The following PRRC2C variants were observed in gnomAD, a reference collection of about 807,000 sequenced individuals.
PRRC2C encodes protein PRRC2C.
In PRRC2C, 72 loss-of-function variants were observed where a neutral mutation model predicts 317.2. That is an observed-to-expected ratio of 0.23 (90% CI 0.19 to 0.28). The LOEUF is 0.28. Among genes scored for constraint, PRRC2C ranks in the 10% least tolerant of loss-of-function variants. The pLI is 1.00. For synonymous variants in PRRC2C, 1,296 were observed against 1,205.9 expected (o/e 1.07, Z -1.55); for missense variants, 3,074 against 3,459.7 (o/e 0.89, Z 2.80).
rs556833609 is a variant in PRRC2C at position 171,511,727 on chromosome 1, A to G, written c.-57-305A>G. 101 of 157,152 alleles carry G rather than the reference A, an allele frequency of 6.4e-4. 2 individuals are homozygous for G. The South Asian group carries it at 0.019, about 30-fold the overall frequency. 9.7% of individuals were successfully genotyped at this position (157,152 alleles called of 1,614,324 possible). ...TTTCAAGCATATTAAATTGGATAAT[A>G]TATCTTTTTAAAATAGACAGTCTCA... On this transcript the variant is annotated intron_variant, in intron 1 of 34. Transcript: ENST00000647382.
intron 6 of PRRC2C, among the ~76,000 whole-genome samples, chr1:171,519,947 CAG>C (rs1385673506): frequency 1.3e-5 from 2 of 152,258 alleles, no homozygotes; most frequent in African/African-American, 2.4e-5. Context: ...TCTAGACTAA[CAG>C]AGGGAGATGA....
Position 171,487,950 on chromosome 1 carries a change from T to C in PRRC2C, c.-58+2215T>C, listed in dbSNP as rs545251362. On this transcript the variant is annotated intron_variant, in intron 1 of 34. Coordinates refer to ENST00000647382, the MANE Select transcript of PRRC2C (RefSeq NM_001387844.1). ...TTGCTTCTTAGCGATTTCTTTATGCTCTACAGTAAATATCCCTGGGATGAG... is the reference window on the plus strand; with the variant it reads ...TTGCTTCTTAGCGATTTCTTTATGCCCTACAGTAAATATCCCTGGGATGAG... Among the ~76,000 whole-genome samples the C allele has an allele frequency of 4.4e-5, 6 of 137,040 alleles. No individual in the cohort carries two copies. The South Asian group carries it at 1.4e-3, about 32-fold the overall frequency. 89.9% of individuals were successfully genotyped at this position (137,040 alleles called of 152,430 possible). A position where few individuals can be genotyped will look rare whatever the true frequency, so the allele number is the denominator to read the frequency against.
rs1450775742 is a variant in PRRC2C at position 171,592,981 on chromosome 1, C to G, written c.*1134C>G. On this transcript the variant is annotated 3_prime_UTR_variant, in exon 35 of 35. Transcript: ENST00000647382. ...CCTGCTTTATGATACGTAGTAGTGA[C>G]CGTGCTTTATCAGAGCTGTTTTTAA... 1 of 151,948 alleles carries G rather than the reference C, an allele frequency of 6.6e-6. No homozygotes were observed. The highest frequency in any genetic ancestry group is 1.5e-5 in the Non-Finnish European group (1 of 67,986). 9.4% of individuals were successfully genotyped at this position (151,948 alleles called of 1,614,324 possible). A position where few individuals can be genotyped will look rare whatever the true frequency, so the allele number is the denominator to read the frequency against.
At chr1:171,530,405 G>A (rs553262154) in intron 11 of PRRC2C, among the ~76,000 whole-genome samples, 79 of 151,586 alleles carry the variant, frequency 5.2e-4, no homozygotes, top group African/African-American at 1.8e-3. Context: ...CTCTATGCCC[G>A]GCTAATTTTT....
intron 26 of PRRC2C, among the ~76,000 whole-genome samples, chr1:171,578,171 A>G (rs1450382090): frequency 6.6e-6 from 1 of 152,080 alleles, no homozygotes; most frequent in Non-Finnish European, 1.5e-5. Context: ...CAGTTTCATA[A>G]CTAGGAATCT....
chr1:171,579,293 T>C, intron 26 of PRRC2C, 61 bp from the exon 27 acceptor site: 1 of 1,528,122 alleles, frequency 6.5e-7, no homozygotes, highest in Non-Finnish European at 8.8e-7. Context: ...TTTTATTTAC[T>C]GTTTGGAAAA....
chr1:171,523,795 G>C (rs1198409688), intron 9 of PRRC2C, among the ~76,000 whole-genome samples: 1 of 152,100 alleles, frequency 6.6e-6, no homozygotes, highest in Non-Finnish European at 1.5e-5. Flanking sequence ...CAGCACTTTG[G>C]GAGGCCGAGG....
At chr1:171,520,326 C>T (rs12136219) in intron 6 of PRRC2C, among the ~76,000 whole-genome samples, 19,207 of 152,080 alleles carry the variant, frequency 0.13, 1,611 homozygotes, top group South Asian at 0.36. Context: ...ATGATTTATA[C>T]CCAATTACTT....
chr1:171,541,654 T>A lies in PRRC2C; in HGVS notation c.4188T>A (p.His1396Gln). ...KPEDGEPPRR[H>Q]EQFIPIAADK... is the part of the protein sequence containing the mutation. The stretch of plus-strand genomic sequence containing the variant: ...AAGATGGAGAGCCGCCAAGAAGACA[T>A]GAGCAGTTTATTCCTATAGCAGCAG... Residue 1396 changes from histidine to glutamine, a missense_variant, in exon 16 of 35, where the codon CAT becomes CAA. Physicochemically the swap from His to Gln is conservative, Grantham distance 24 (BLOSUM62 0). Transcript: ENST00000647382. This position sits in a 1 kb window ranked among gnomAD's most constrained non-coding sequence, Gnocchi z 4.1. 1 of 1,613,804 alleles carries A rather than the reference T, an allele frequency of 6.2e-7. No individual in the cohort carries two copies. The highest frequency in any genetic ancestry group is 8.5e-7 in the Non-Finnish European group (1 of 1,179,870).
chr1:171,537,585 C>A (rs951798397), intron 15 of PRRC2C, 112 bp downstream of exon 15: 1 of 996,542 alleles, frequency 1.0e-6, no homozygotes, highest in Non-Finnish European at 1.5e-6. Flanking sequence ...AATCTGGTTT[C>A]CTTCTATTTA....
At position 171,589,650 on chromosome 1, in the gene PRRC2C, A is replaced by G. The variant is rs779259645; in HGVS notation, c.8436+45A>G. 8.9e-6 allele frequency: 11 copies of G among 1,241,480 alleles called. No individual in the cohort carries two copies. In the South Asian group the frequency reaches 1.4e-4, roughly 16 times the overall value. 76.9% of individuals were successfully genotyped at this position (1,241,480 alleles called of 1,614,324 possible). The stretch of plus-strand genomic sequence containing the variant: ...CCAACAGATCAAGAATCTGTCTCTG[A>G]ACCATGTCTTAAAATGCCTCTGGAC... On this transcript the variant is annotated intron_variant, in intron 34 of 34. Coordinates refer to ENST00000647382, the MANE Select transcript of PRRC2C (RefSeq NM_001387844.1).
chr1:171,552,283 G>T (rs1176498439), intron 18 of PRRC2C, among the ~76,000 whole-genome samples: 1 of 152,108 alleles, frequency 6.6e-6, no homozygotes, highest in Non-Finnish European at 1.5e-5. Context: ...TGGTGTATAG[G>T]AATACTTGTG....
chr1:171,565,765 G>A (rs1056854745), intron 20 of PRRC2C, among the ~76,000 whole-genome samples: 8 of 152,178 alleles, frequency 5.3e-5, no homozygotes, highest in Non-Finnish European at 2.9e-5. Flanking sequence ...TGTTTAATTG[G>A]TGGATTGATT....
At chr1:171,543,540 T>G (rs1470348956) in intron 16 of PRRC2C, among the ~76,000 whole-genome samples, 1 of 152,226 alleles carries the variant, frequency 6.6e-6, no homozygotes. Flanking sequence ...TGTGATGCAC[T>G]TAATACCTGG....
At chr1:171,561,416 G>A (rs1206774295) in intron 20 of PRRC2C, among the ~76,000 whole-genome samples, 1 of 152,172 alleles carries the variant, frequency 6.6e-6, no homozygotes, top group Non-Finnish European at 1.5e-5. Flanking sequence ...CTGTGCCACT[G>A]TACTCCAGCC....
intron 12 of PRRC2C, among the ~76,000 whole-genome samples, chr1:171,534,211 T>C (rs562991004): frequency 6.6e-6 from 1 of 152,262 alleles, no homozygotes; most frequent in South Asian, 2.1e-4. Flanking sequence ...GTTAAGACTC[T>C]AAGATTTCAG....
At chr1:171,515,964 A>C in intron 5 of PRRC2C, 105 bp downstream of exon 5, 1 of 1,288,252 alleles carries the variant, frequency 7.8e-7, no homozygotes, top group Non-Finnish European at 1.0e-6. Flanking sequence ...TACTTCGAAA[A>C]GGCAGACTTT....
intron 10 of PRRC2C, among the ~76,000 whole-genome samples, chr1:171,525,501 T>C (rs1674390836): frequency 6.6e-6 from 1 of 152,200 alleles, no homozygotes; most frequent in Non-Finnish European, 1.5e-5. Context: ...AAGGACTACT[T>C]TCAAGGGAGT....
intron 34 of PRRC2C, among the ~76,000 whole-genome samples, chr1:171,590,666 T>G (rs1651218665): frequency 6.6e-6 from 1 of 152,190 alleles, no homozygotes; most frequent in Non-Finnish European, 1.5e-5. Flanking sequence ...AGCAAAACTT[T>G]TATTAAATAA....
Sources: allele counts gnomAD v4.1 joint callset (sites outside exome capture counted in the v4.1 genomes callset), GRCh38; gene constraint gnomAD v4.1.1; non-coding constraint Gnocchi (gnomAD v3.1); transcripts MANE v1.5; gene names NCBI Gene and HGNC (gene_info 2026-07-23, HGNC 2026-07-21).